The following TBC1D1 variants were observed in gnomAD, a reference collection of about 807,000 sequenced individuals.
TBC1D1 encodes the protein TBC1 (tre-2/USP6, BUB2, cdc16) domain family, member 1.
A neutral mutation model predicts 125.6 loss-of-function variants in TBC1D1; 89 were observed. The ratio of observed to expected loss-of-function variants is 0.71; its 90% CI spans 0.60 to 0.85. The LOEUF (loss-of-function observed/expected upper bound fraction) is 0.85, where lower values mean the gene tolerates loss of function less well. TBC1D1 is among the 40% of genes least tolerant of loss of function. TBC1D1 has a pLI of 0.00. For missense variants in TBC1D1, 1,377 were observed against 1,469.2 expected (o/e 0.94, Z 1.03); for synonymous variants, 565 against 564.1 (o/e 1.00, Z -0.02).
chr4:37,905,024 A>G (rs1717008525), intron 2 of TBC1D1, among the ~76,000 whole-genome samples: 1 of 152,244 alleles, frequency 6.6e-6, no homozygotes, highest in South Asian at 2.1e-4. Flanking sequence ...GCCAGAGAAG[A>G]CATATGCATT....
At chr4:38,130,573 G>T (rs559461233) in intron 18 of TBC1D1, among the ~76,000 whole-genome samples, 1 of 152,266 alleles carries the variant, frequency 6.6e-6, no homozygotes, top group South Asian at 2.1e-4. Context: ...TAGTGGAATT[G>T]CTCTGAGATG....
At chr4:37,937,274 A>C (rs780925051) in intron 2 of TBC1D1, among the ~76,000 whole-genome samples, 12 of 152,186 alleles carry the variant, frequency 7.9e-5, no homozygotes, top group Non-Finnish European at 1.6e-4. Context: ...AGAAAACGGG[A>C]GAGAGTGAAT....
chr4:38,040,801 C>T (rs918945694), intron 8 of TBC1D1, among the ~76,000 whole-genome samples: 4 of 152,186 alleles, frequency 2.6e-5, no homozygotes, highest in African/African-American at 7.2e-5. Flanking sequence ...TGCACAGAAC[C>T]GGTTGCAACA....
intron 7 of TBC1D1, among the ~76,000 whole-genome samples, chr4:38,033,744 C>G (rs1746664862): frequency 6.6e-6 from 1 of 152,166 alleles, no homozygotes; most frequent in South Asian, 2.1e-4. Context: ...TCTTTTTGCT[C>G]TCTCCATAGT....
chr4:37,965,266 C>T (rs1730847392), intron 2 of TBC1D1, among the ~76,000 whole-genome samples: 4 of 152,212 alleles, frequency 2.6e-5, no homozygotes, highest in Admixed American at 2.0e-4. Context: ...AATAGGTACT[C>T]ATACTCTCGA....
At chr4:37,997,912 G>T (rs1738171852) in intron 2 of TBC1D1, among the ~76,000 whole-genome samples, 1 of 151,990 alleles carries the variant, frequency 6.6e-6, no homozygotes, top group Non-Finnish European at 1.5e-5. Flanking sequence ...TTTTGTTCAG[G>T]GATAAGATGT....
At chr4:37,991,994 A>G (rs1736669355) in intron 2 of TBC1D1, among the ~76,000 whole-genome samples, 1 of 152,244 alleles carries the variant, frequency 6.6e-6, no homozygotes, top group South Asian at 2.1e-4. Context: ...GTTTGGTACA[A>G]ACGGAACTTA....
chr4:38,115,397 T>G (rs1762825095), intron 15 of TBC1D1, among the ~76,000 whole-genome samples: 1 of 152,212 alleles, frequency 6.6e-6, no homozygotes, highest in South Asian at 2.1e-4. Context: ...CCACCACACC[T>G]GGCCAACAGT....
rs1409062336 is a variant in TBC1D1 at position 38,133,085 on chromosome 4, T to C, written c.3134T>C (p.Val1045Ala). The C allele has an allele frequency of 1.2e-6, 2 of 1,609,016 alleles. No homozygotes were observed. The highest frequency in any genetic ancestry group is 4.5e-5 in the East Asian group (2 of 44,840). ...TGATGACTTTTCTTTCTATAACAGG[T>C]ATTTGAAATGGACATCGCTAAACAG... Residue 1045 changes from valine (V) to alanine (A), a missense_variant and splice_region_variant, in exon 19 of 20, where the codon GTA (valine) becomes GCA (alanine). By Grantham distance (64) the Val-to-Ala change is moderately conservative (BLOSUM62 0). Around this residue, in one of 3 missense-constraint regions of TBC1D1, gnomAD observed 543 missense variants for 613.5 expected, o/e 0.89. Coordinates refer to ENST00000261439, the MANE Select transcript of TBC1D1 (RefSeq NM_015173.4).
At chr4:38,121,757 G>A (rs1347165655) in intron 17 of TBC1D1, among the ~76,000 whole-genome samples, 4 of 152,194 alleles carry the variant, frequency 2.6e-5, no homozygotes, top group South Asian at 2.1e-4. Flanking sequence ...ATAAGATACC[G>A]GAAGACAGGC....
In TBC1D1 at chr4:37,995,173, A is replaced by C. The variant is rs1359241240; in HGVS notation, c.418-19336A>C. On this transcript the variant is annotated intron_variant, in intron 2 of 19. Coordinates refer to ENST00000261439, the MANE Select transcript of TBC1D1 (RefSeq NM_015173.4). This position sits in a 1 kb window ranked among gnomAD's most constrained non-coding sequence, Gnocchi z 4.3. ...GCCCTCGGGAAACTGACCTGGAGCG[A>C]TGGGTGCTAAAAGGAGATGAGATTT... Among the ~76,000 whole-genome samples, 1 of 152,150 alleles carries C rather than the reference A, an allele frequency of 6.6e-6. No homozygotes were observed. The highest frequency in any genetic ancestry group is 1.5e-5 in the Non-Finnish European group (1 of 68,022).
intron 12 of TBC1D1, among the ~76,000 whole-genome samples, chr4:38,088,763 C>T (rs1040845428): frequency 1.3e-5 from 2 of 151,970 alleles, no homozygotes; most frequent in Non-Finnish European, 2.9e-5. Context: ...CTTGACAGAT[C>T]GGGAAGTGGA....
intron 2 of TBC1D1, among the ~76,000 whole-genome samples, chr4:37,987,611 A>AT (rs1560575164): frequency 6.6e-6 from 1 of 152,170 alleles, no homozygotes; most frequent in Non-Finnish European, 1.5e-5. Flanking sequence ...GAAGTGTAAC[A>AT]TTTTTTTAAA....
intron 2 of TBC1D1, among the ~76,000 whole-genome samples, chr4:38,005,915 C>T (rs1248634508): frequency 6.6e-6 from 1 of 152,226 alleles, no homozygotes; most frequent in East Asian, 1.9e-4. Context: ...AGCACAGTCA[C>T]CTCTGAGTGA....
rs539933869 is a variant in TBC1D1, at chr4:38,060,739, G to C, written c.2050+6401G>C. On this transcript the variant is annotated intron_variant, in intron 12 of 19. Transcript: ENST00000261439. ...ATTAAGAGGCTTTCTTCAGATCATGGTTTAGAGCGGTGTTTTACAAACTTG... is the reference window on the plus strand; with the variant it reads ...ATTAAGAGGCTTTCTTCAGATCATGCTTTAGAGCGGTGTTTTACAAACTTG... 13 of 910,312 alleles carry C rather than the reference G, an allele frequency of 1.4e-5. No individual in the cohort carries two copies. In the African/African-American group the frequency reaches 2.2e-4, roughly 16 times the overall value. 56.4% of individuals were successfully genotyped at this position (910,312 alleles called of 1,614,324 possible). A position where few individuals can be genotyped will look rare whatever the true frequency, so the allele number is the denominator to read the frequency against.
At chr4:38,117,282 G>A (rs550406144) in intron 16 of TBC1D1, among the ~76,000 whole-genome samples, 1 of 151,904 alleles carries the variant, frequency 6.6e-6, no homozygotes, top group South Asian at 2.1e-4. Flanking sequence ...CCCTCTGTAG[G>A]TTGTTGTTTC....
At chr4:37,924,144 C>A (rs1486386675) in intron 2 of TBC1D1, among the ~76,000 whole-genome samples, 2 of 152,082 alleles carry the variant, frequency 1.3e-5, no homozygotes, top group South Asian at 4.1e-4. Context: ...GAGGCTCAAG[C>A]CCTGCGCTCT....
rs182513071 is a variant in TBC1D1, at chr4:37,920,883, G to A, written c.417+18371G>A. 5.4e-3 allele frequency among the ~76,000 whole-genome samples: 818 copies of A among 152,206 alleles called. 7 individuals are homozygous for A. Among genetic ancestry groups the A allele is most frequent in the African/African-American group, 0.019 (787 of 41,528 alleles). On this transcript the variant is annotated intron_variant, in intron 2 of 19. Coordinates refer to ENST00000261439, the MANE Select transcript of TBC1D1 (RefSeq NM_015173.4). ...CCCAGCACTTTGGGAGGCCGAGGCG[G>A]GCCGATCACGAGGCCAGGAGATTGA...
At chr4:38,007,437 GA>G (rs2152416985) in intron 2 of TBC1D1, among the ~76,000 whole-genome samples, 1 of 152,110 alleles carries the variant, frequency 6.6e-6, no homozygotes, top group African/African-American at 2.4e-5. Flanking sequence ...ATCTTTAGTA[GA>G]GACGGGGTTT....
Sources: allele counts gnomAD v4.1 joint callset (sites outside exome capture counted in the v4.1 genomes callset), GRCh38; gene constraint gnomAD v4.1.1; regional missense constraint gnomAD v4.1.1; non-coding constraint Gnocchi (gnomAD v3.1); transcripts MANE v1.5; gene names NCBI Gene and HGNC (gene_info 2026-07-23, HGNC 2026-07-21).